The following KIF18B variants were observed in gnomAD, a reference collection of about 807,000 sequenced individuals.
KIF18B encodes kinesin family member 18B, also known as kinesin-like protein KIF18B.
Under a neutral mutation model 80.9 loss-of-function variants are expected in KIF18B, and 49 were observed. The ratio of observed to expected loss-of-function variants is 0.61; its 90% CI spans 0.48 to 0.77. The LOEUF is 0.77. Among genes scored for constraint, KIF18B ranks in the 30% least tolerant of loss-of-function variants. The pLI is 0.00. For missense variants in KIF18B, 994 were observed against 1,127.7 expected, an observed-to-expected ratio of 0.88 and a Z score of 1.70; for synonymous variants, 439 against 463.9, an observed-to-expected ratio of 0.95 and a Z score of 0.69.
In KIF18B at chr17:44,928,169, G is replaced by A; in HGVS notation, c.2133C>T (p.Thr711=). The A allele has an allele frequency of 6.2e-7, 1 of 1,610,874 alleles. No individual in the cohort carries two copies. The highest frequency in any genetic ancestry group is 8.5e-7 in the Non-Finnish European group (1 of 1,178,252). ...LGPSAMQNCS[T]PLALPTRDLN... ...GGTCTCGAGTGGGCAGAGCCAGCGG[G>A]GTGGAGCAGTTCTGCATGGCGGAAG... Residue 711 remains threonine (T), a synonymous_variant, in exon 13 of 16, where the codon ACC becomes ACT. Coordinates refer to ENST00000593135, the MANE Select transcript of KIF18B (RefSeq NM_001265577.2).
chr17:44,932,623 C>G, intron 9 of KIF18B, 50 bp downstream of exon 9: 1 of 978,972 alleles, frequency 1.0e-6, no homozygotes, highest in Non-Finnish European at 1.6e-6. Flanking sequence ...CCTGGCTCCC[C>G]ATCCTGGCTG....
chr17:44,927,920 C>T lies in KIF18B; in HGVS notation c.2276+106G>A, dbSNP rs968071676. On this transcript the variant is annotated intron_variant, in intron 13 of 15. Coordinates refer to ENST00000593135, the MANE Select transcript of KIF18B (RefSeq NM_001265577.2). The surrounding 1 kb of genome is among the most constrained non-coding windows in gnomAD (Gnocchi z 4.1). ...CAACCAAAGTGGAACAGATAGGAAC[C>T]GTCCCAGCTCCAAGGCTGTCCTCCA... The T allele has an allele frequency of 5.9e-6, 6 of 1,016,212 alleles. No homozygotes were observed. Among genetic ancestry groups the T allele is most frequent in the African/African-American group, 1.6e-5 (1 of 61,192 alleles). 62.9% of individuals were successfully genotyped at this position (1,016,212 alleles called of 1,614,324 possible). A position where few individuals can be genotyped will look rare whatever the true frequency, so the allele number is the denominator to read the frequency against.
rs2145716231 is a variant in KIF18B, at chr17:44,936,389, A to G, written c.-14-31T>C. The G allele has an allele frequency of 3.2e-6, 5 of 1,555,232 alleles. No individual in the cohort carries two copies. In the East Asian group the frequency reaches 9.5e-5, roughly 30 times the overall value. On this transcript the variant is annotated intron_variant, in intron 1 of 15. Coordinates refer to ENST00000593135, the MANE Select transcript of KIF18B (RefSeq NM_001265577.2). ...TGAGACATGGTGGAGCTGAGGACCA[A>G]TCCCACCCCAGGCCTGACCAGGTGC... is the stretch of plus-strand genomic sequence containing the variant.
At position 44,927,674 on chromosome 17, in the gene KIF18B, C is replaced by T. The variant is rs1309457849; in HGVS notation, c.2276+352G>A. On this transcript the variant is annotated intron_variant, in intron 13 of 15. Transcript: ENST00000593135. The surrounding 1 kb of genome is among the most constrained non-coding windows in gnomAD (Gnocchi z 4.1). Reference sequence around the variant, plus strand: ...GTGGAACATAGAATGCAGCCCAGGCCAAAGAGCCCAAGTAAAGAGAGGAAC... The same window carrying T: ...GTGGAACATAGAATGCAGCCCAGGCTAAAGAGCCCAAGTAAAGAGAGGAAC... Among the ~76,000 whole-genome samples the T allele has an allele frequency of 6.6e-6, 1 of 152,232 alleles. No individual in the cohort carries two copies. Among genetic ancestry groups the T allele is most frequent in the Non-Finnish European group, 1.5e-5 (1 of 68,050 alleles).
chr17:44,927,877 G>T lies in KIF18B; in HGVS notation c.2276+149C>A. On this transcript the variant is annotated intron_variant, in intron 13 of 15. Coordinates refer to ENST00000593135, the MANE Select transcript of KIF18B (RefSeq NM_001265577.2). This position sits in a 1 kb window ranked among gnomAD's most constrained non-coding sequence, Gnocchi z 4.1. ...CACCTCCCTGGCAGCTGTTGGGCCT[G>T]GGGAGCAAAGCGGATCACAACCAAA... 1.4e-6 allele frequency: 1 copy of T among 692,268 alleles called. No individual in the cohort carries two copies. Among genetic ancestry groups the T allele is most frequent in the Non-Finnish European group, 2.2e-6 (1 of 464,976 alleles). The allele number at this position is 692,268 out of a possible 1,614,324, so 42.9% of individuals were successfully genotyped here.
chr17:44,936,756 C>T (rs1354483778), intron 1 of KIF18B, among the ~76,000 whole-genome samples: 1 of 148,424 alleles, frequency 6.7e-6, no homozygotes, highest in Non-Finnish European at 1.5e-5. Flanking sequence ...TCCCCTGCCT[C>T]AGCCTCCTGA....
Position 44,928,007 on chromosome 17 carries a change from G to A in KIF18B, c.2276+19C>T, listed in dbSNP as rs2052063890. ...ACTGACCACTGACAGGAGGGGTGGA[G>A]CGAGACTGGGAGACCCACCTGGGGA... is the stretch of plus-strand genomic sequence containing the variant. On this transcript the variant is annotated intron_variant, in intron 13 of 15. Transcript: ENST00000593135. 1.3e-6 allele frequency: 2 copies of A among 1,510,200 alleles called. No homozygotes were observed. Among genetic ancestry groups the A allele is most frequent in the Admixed American group, 2.3e-5 (1 of 43,616 alleles). The allele number at this position is 1,510,200 out of a possible 1,614,324, so 93.5% of individuals were successfully genotyped here. A position where few individuals can be genotyped will look rare whatever the true frequency, so the allele number is the denominator to read the frequency against.
Position 44,928,179 on chromosome 17 carries a change from T to C in KIF18B, c.2123A>G (p.Asn708Ser), listed in dbSNP as rs2052068563. The change falls in exon 13 of 16, where the codon AAC becomes AGC. Residue 708 changes from asparagine (N) to serine (S), a missense_variant. Coordinates refer to ENST00000593135, the MANE Select transcript of KIF18B (RefSeq NM_001265577.2). ...GGGCAGAGCCAGCGGGGTGGAGCAG[T>C]TCTGCATGGCGGAAGGGCCCAGGGG... ...RVPLGPSAMQ[N>S]CSTPLALPTR... 1 of 1,612,050 alleles carries C rather than the reference T, an allele frequency of 6.2e-7. No individual in the cohort carries two copies. The highest frequency in any genetic ancestry group is 8.5e-7 in the Non-Finnish European group (1 of 1,178,920).
chr17:44,928,540 A>C lies in KIF18B; in HGVS notation c.1762T>G (p.Tyr588Asp), dbSNP rs766863396. The C allele has an allele frequency of 2.9e-5, 42 of 1,461,672 alleles. No homozygotes were observed. The highest frequency in any genetic ancestry group is 3.8e-5 in the Non-Finnish European group (42 of 1,113,774). 90.5% of individuals were successfully genotyped at this position (1,461,672 alleles called of 1,614,324 possible). Residue 588 changes from tyrosine to aspartate, a missense_variant, in exon 13 of 16, where the codon TAC (tyrosine) becomes GAC (aspartate). Physicochemically the swap from Tyr to Asp is radical, Grantham distance 160. Coordinates refer to ENST00000593135, the MANE Select transcript of KIF18B (RefSeq NM_001265577.2). ...PSPLCPEPPG[Y>D]TGPVTRTMAR... ...ATAGTCCGGGTCACAGGGCCAGTGT[A>C]TCCTGGAGGCTCTGGGCAGAGAGGA...
At chr17:44,932,398 G>A in intron 9 of KIF18B, 192 bp from the exon 10 acceptor site, 1 of 634,864 alleles carries the variant, frequency 1.6e-6, no homozygotes, top group Non-Finnish European at 2.7e-6. Flanking sequence ...AGGAGTCAGG[G>A]ATTTTCTGGT....
chr17:44,934,385 C>T lies in KIF18B; in HGVS notation c.733G>A (p.Val245Ile). 2 of 1,606,432 alleles carry T rather than the reference C, an allele frequency of 1.2e-6. No individual in the cohort carries two copies. Among genetic ancestry groups the T allele is most frequent in the Non-Finnish European group, 1.7e-6 (2 of 1,176,262 alleles). Residue 245 changes from valine to isoleucine, a missense_variant, in exon 6 of 16, where the codon GTC becomes ATC. By Grantham distance (29) the Val-to-Ile change is conservative. Transcript: ENST00000593135. The surrounding 1 kb of genome is among the most constrained non-coding windows in gnomAD (Gnocchi z 5.4). ...QDRVPGLTQA[V>I]QVAKMSLIDL... is the part of the protein sequence containing the mutation. ...ATCAGGCTCATCTTGGCCACCTGGA[C>T]AGCCTGGGTCAGTCCTGGAACCCGG... is the stretch of plus-strand genomic sequence containing the variant.
At chr17:44,935,138 C>T in intron 3 of KIF18B, 121 bp downstream of exon 3, 1 of 1,095,312 alleles carries the variant, frequency 9.1e-7, no homozygotes. Context: ...GTATCTATCT[C>T]CTTGAGGGGT....
chr17:44,936,515 T>G (rs2052296464), intron 1 of KIF18B, 157 bp from the exon 2 acceptor site: 4 of 595,098 alleles, frequency 6.7e-6, no homozygotes, highest in Admixed American at 3.4e-5. Flanking sequence ...CAATTATATC[T>G]CTTTCTCACT....
intron 11 of KIF18B, 62 bp from the exon 12 acceptor site, chr17:44,929,086 T>G: frequency 7.0e-7 from 1 of 1,429,780 alleles, no homozygotes; most frequent in Non-Finnish European, 9.8e-7. Flanking sequence ...GGAGCCTCTA[T>G]GCCATGCACC....
At chr17:44,933,892 C>A in intron 7 of KIF18B, 31 bp downstream of exon 7, 1 of 1,533,564 alleles carries the variant, frequency 6.5e-7, no homozygotes, top group South Asian at 1.2e-5. Context: ...GGAGCTGCCC[C>A]ACGCCCAAGC....
Position 44,928,557 on chromosome 17 carries a change from C to A in KIF18B, c.1745G>T (p.Cys582Phe). ...SESIPVPSPL[C>F]PEPPGYTGPV... Reference sequence around the variant, plus strand: ...GCCAGTGTATCCTGGAGGCTCTGGGCAGAGAGGAGACGGCACAGGGACTGC... The same window carrying A: ...GCCAGTGTATCCTGGAGGCTCTGGGAAGAGAGGAGACGGCACAGGGACTGC... Residue 582 changes from cysteine (C) to phenylalanine (F), a missense_variant, in exon 13 of 16, where the codon TGC becomes TTC. Physicochemically the swap from Cys to Phe is radical, Grantham distance 205. Coordinates refer to ENST00000593135, the MANE Select transcript of KIF18B (RefSeq NM_001265577.2). 2 of 1,452,926 alleles carry A rather than the reference C, an allele frequency of 1.4e-6. No homozygotes were observed. The highest frequency in any genetic ancestry group is 2.5e-5 in the East Asian group (1 of 40,346). 90.0% of individuals were successfully genotyped at this position (1,452,926 alleles called of 1,614,324 possible).
At chr17:44,945,505 A>C (rs1474631596) in intron 1 of KIF18B, among the ~76,000 whole-genome samples, 1 of 152,236 alleles carries the variant, frequency 6.6e-6, no homozygotes, top group Non-Finnish European at 1.5e-5. Flanking sequence ...GTATCGCTTT[A>C]ACTGCATCCC....
At chr17:44,943,389 C>T (rs1024116121) in intron 1 of KIF18B, among the ~76,000 whole-genome samples, 3 of 152,114 alleles carry the variant, frequency 2.0e-5, no homozygotes, top group Non-Finnish European at 2.9e-5. Context: ...TGTGAGCCAC[C>T]GCGCCTGGCC....
chr17:44,945,729 AC>A lies in KIF18B; in HGVS notation c.-15+1898del, dbSNP rs1017059233. ...AGACCAGCCTGGCCAACACGGTGAA[AC>A]CCCATCCCGACTAAAAATACAAAAA... On this transcript the variant is annotated intron_variant, in intron 1 of 15. Transcript: ENST00000593135. Among the ~76,000 whole-genome samples the A allele has an allele frequency of 2.0e-5, 3 of 151,750 alleles. No homozygotes were observed. The East Asian group carries it at 5.8e-4, about 30-fold the overall frequency.
Sources: allele counts gnomAD v4.1 joint callset (sites outside exome capture counted in the v4.1 genomes callset), GRCh38; gene constraint gnomAD v4.1.1; non-coding constraint Gnocchi (gnomAD v3.1); transcripts MANE v1.5; gene names NCBI Gene and HGNC (gene_info 2026-07-23, HGNC 2026-07-21).